The following SFMBT2 variants were observed in gnomAD, a reference collection of about 807,000 sequenced individuals.
SFMBT2 encodes scm-like with four MBT domains protein 2.
SFMBT2 carries 38 observed loss-of-function variants against 110.1 expected under a neutral mutation model. The ratio of observed to expected loss-of-function variants is 0.35; its 90% CI spans 0.27 to 0.45. The LOEUF is 0.45. Among genes scored for constraint, SFMBT2 ranks in the 20% least tolerant of loss-of-function variants. SFMBT2 has a pLI of 1.00. For missense variants in SFMBT2, 1,011 were observed against 1,094.9 expected, an observed-to-expected ratio of 0.92 and a Z score of 1.08; for synonymous variants, 425 against 425.4, an observed-to-expected ratio of 1.00 and a Z score of 0.01.
rs1564421324 is a variant in SFMBT2 at position 7,283,912 on chromosome 10, G to A, written c.764C>T (p.Pro255Leu). 6.3e-7 allele frequency: 1 copy of A among 1,588,148 alleles called. No individual in the cohort carries two copies. The highest frequency in any genetic ancestry group is 8.6e-7 in the Non-Finnish European group (1 of 1,156,234). The change falls in exon 6 of 21, where the codon CCA becomes CTA. Residue 255 changes from proline to leucine, a missense_variant. Around this residue, in one of 2 missense-constraint regions of SFMBT2, gnomAD observed 979 missense variants for 1,016.1 expected, o/e 0.96. Transcript: ENST00000397167. ...WCQENKYRMD[P>L]PSEIYPLKMA... Reference sequence around the variant, plus strand: ...AAAGCTTTGGCCCTTACCTGAAGGTGGGTCCATTCTGTATTTATTCTCTTG... The same window carrying A: ...AAAGCTTTGGCCCTTACCTGAAGGTAGGTCCATTCTGTATTTATTCTCTTG...
At chr10:7,374,941 G>A (rs1316276272) in intron 2 of SFMBT2, among the ~76,000 whole-genome samples, 3 of 152,254 alleles carry the variant, frequency 2.0e-5, no homozygotes, top group East Asian at 1.9e-4. Context: ...ATGTTTATGG[G>A]GAGAGGTCTC....
intron 7 of SFMBT2, among the ~76,000 whole-genome samples, chr10:7,262,358 ATG>A (rs1841234884): frequency 6.6e-6 from 1 of 151,694 alleles, no homozygotes; most frequent in East Asian, 1.9e-4. Flanking sequence ...TTAATAGAGA[ATG>A]GAATAGAAAA....
intron 4 of SFMBT2, among the ~76,000 whole-genome samples, chr10:7,288,646 A>G (rs964556296): frequency 2.6e-5 from 4 of 152,224 alleles, no homozygotes; most frequent in Admixed American, 6.5e-5. Flanking sequence ...TATGCTTTAC[A>G]AAGACCTTTC....
intron 4 of SFMBT2, among the ~76,000 whole-genome samples, chr10:7,319,928 CTG>C (rs1843129389): frequency 7.7e-6 from 1 of 130,320 alleles, no homozygotes; most frequent in African/African-American, 2.9e-5. Flanking sequence ...GACAGAGAGA[CTG>C]AGAGAGACAC....
intron 4 of SFMBT2, among the ~76,000 whole-genome samples, chr10:7,359,637 T>C (rs935751802): frequency 6.6e-6 from 1 of 152,214 alleles, no homozygotes; most frequent in Non-Finnish European, 1.5e-5. Flanking sequence ...AAAACCCAAA[T>C]AGCATCTGAT....
intron 16 of SFMBT2, among the ~76,000 whole-genome samples, chr10:7,184,794 A>G (rs769734346): frequency 5.9e-5 from 9 of 152,082 alleles, no homozygotes; most frequent in Non-Finnish European, 7.4e-5. Context: ...TTCAAGCTGA[A>G]CTCACACCCT....
chr10:7,223,418 A>G (rs1839809330), intron 10 of SFMBT2, among the ~76,000 whole-genome samples: 1 of 152,084 alleles, frequency 6.6e-6, no homozygotes. Flanking sequence ...TGATCCATAC[A>G]TCTTCTTTGA....
rs77786019 is a variant in SFMBT2, at chr10:7,329,662, C to T, written c.436+37987G>A. 1,580 of 259,350 alleles carry T rather than the reference C, an allele frequency of 6.1e-3. 36 individuals are homozygous for T. Among genetic ancestry groups the T allele is most frequent in the African/African-American group, 0.035 (1,502 of 43,402 alleles). 16.1% of individuals were successfully genotyped at this position (259,350 alleles called of 1,614,324 possible). On this transcript the variant is annotated intron_variant, in intron 4 of 20. Coordinates refer to ENST00000397167, the MANE Select transcript of SFMBT2 (RefSeq NM_001387889.1). ...AGGCTCGTCTCTGCTCCACAATAACCGGGGCCTTGGCTGGGAAGGCCGGGA... is the reference window on the plus strand; with the variant it reads ...AGGCTCGTCTCTGCTCCACAATAACTGGGGCCTTGGCTGGGAAGGCCGGGA...
intron 20 of SFMBT2, among the ~76,000 whole-genome samples, chr10:7,164,714 T>C (rs1837647703): frequency 6.6e-6 from 1 of 151,140 alleles, no homozygotes; most frequent in Non-Finnish European, 1.5e-5. Context: ...AAGACAGATA[T>C]GCCAACGACA....
At chr10:7,315,047 A>AGAAAGAAAGAAAGAAAGAAG (rs2131914115) in intron 4 of SFMBT2, among the ~76,000 whole-genome samples, 1 of 108,116 alleles carries the variant, frequency 9.2e-6, no homozygotes, top group South Asian at 3.2e-4. Context: ...AGAGAAAGAA[A>AGAAAGAAAGAAAGAAAGAAG]GAAAGAAAGA....
chr10:7,204,310 C>G lies in SFMBT2; in HGVS notation c.1444+1505G>C, dbSNP rs117755043. ...ATCAGGGAATGTGAAGTCAGCTATG[C>G]AATGGAACTGTGTTTCCAGCAACGT... On this transcript the variant is annotated intron_variant, in intron 12 of 20. Transcript: ENST00000397167. 4.2e-4 allele frequency: 411 copies of G among 982,134 alleles called. 7 individuals are homozygous for G. In the East Asian group the frequency reaches 0.034, roughly 82 times the overall value. 60.8% of individuals were successfully genotyped at this position (982,134 alleles called of 1,614,324 possible). A position where few individuals can be genotyped will look rare whatever the true frequency, so the allele number is the denominator to read the frequency against.
intron 7 of SFMBT2, among the ~76,000 whole-genome samples, chr10:7,269,703 AGTAAGTGTGTGCGTGTGTGTGT>A (rs773563268): frequency 5.9e-5 from 8 of 136,438 alleles, no homozygotes; most frequent in Non-Finnish European, 1.1e-4. Context: ...AAAAAAAGCA[AGTAAGTGTGTGCGTGTGTGTGT>A]GTGTGTGTGT....
intron 9 of SFMBT2, among the ~76,000 whole-genome samples, chr10:7,231,670 G>A (rs1430304046): frequency 6.7e-6 from 1 of 150,356 alleles, no homozygotes; most frequent in South Asian, 2.1e-4. Context: ...ATCAAGTCTT[G>A]CTGGCTATGT....
chr10:7,346,604 A>G (rs1456313956), intron 4 of SFMBT2, among the ~76,000 whole-genome samples: 1 of 152,150 alleles, frequency 6.6e-6, no homozygotes, highest in Non-Finnish European at 1.5e-5. Context: ...AAAAAATACC[A>G]TTCTCTTTTA....
At chr10:7,224,431 C>A (rs1274589087) in intron 10 of SFMBT2, among the ~76,000 whole-genome samples, 1 of 152,218 alleles carries the variant, frequency 6.6e-6, no homozygotes, top group Non-Finnish European at 1.5e-5. Flanking sequence ...TTTCCAGGAT[C>A]TGTGGTTGCC....
At chr10:7,344,933 T>A (rs1377244368) in intron 4 of SFMBT2, among the ~76,000 whole-genome samples, 1 of 117,722 alleles carries the variant, frequency 8.5e-6, no homozygotes, top group African/African-American at 3.5e-5. Context: ...CACTCCAGCC[T>A]GGGCGACAGA....
intron 1 of SFMBT2, among the ~76,000 whole-genome samples, chr10:7,382,934 G>C (rs1845467334): frequency 6.6e-6 from 1 of 152,146 alleles, no homozygotes; most frequent in Non-Finnish European, 1.5e-5. Context: ...GAGATACCAG[G>C]AGTAATCGTT....
intron 7 of SFMBT2, 93 bp from the exon 8 acceptor site, chr10:7,248,742 A>T (rs1345540473): frequency 8.6e-6 from 9 of 1,043,158 alleles, no homozygotes; most frequent in African/African-American, 3.2e-5. Flanking sequence ...TTTATTGGGC[A>T]ACCAAAATCT....
chr10:7,343,898 G>A (rs2131991050), intron 4 of SFMBT2, among the ~76,000 whole-genome samples: 1 of 152,246 alleles, frequency 6.6e-6, no homozygotes, highest in Middle Eastern at 3.4e-3. Context: ...CAAGAATCTT[G>A]GCATGGTTGT....
Sources: allele counts gnomAD v4.1 joint callset (sites outside exome capture counted in the v4.1 genomes callset), GRCh38; gene constraint gnomAD v4.1.1; regional missense constraint gnomAD v4.1.1; transcripts MANE v1.5; gene names NCBI Gene and HGNC (gene_info 2026-07-23, HGNC 2026-07-21).